Variants in DNAH11 observed in about 807,000 individuals in gnomAD.
DNAH11 encodes the protein dynein axonemal heavy chain 11, also known as axonemal beta dynein heavy chain 11.
Under a neutral mutation model 526.0 loss-of-function variants are expected in DNAH11, and 442 were observed. The observed-to-expected ratio is 0.84, with a 90% CI of 0.78 to 0.91. DNAH11 has a LOEUF of 0.91. Among genes scored for constraint, DNAH11 ranks in the 40% least tolerant of loss-of-function variants. The pLI, the probability that DNAH11 is intolerant of heterozygous loss-of-function variation, is 0.00. For synonymous variants in DNAH11, 2,461 were observed against 1,935.9 expected (o/e 1.27, Z -7.12); for missense variants, 6,989 against 5,448.7 (o/e 1.28, Z -8.90).
Position 21,635,015 on chromosome 7 carries a change from C to G in DNAH11, c.4501-856C>G, listed in dbSNP as rs114607388. ...TTATAGCATTCTTTTCAAAATAAAA[C>G]TGCAACCAATACTTGAAAAAACAAA... On this transcript the variant is annotated intron_variant, in intron 25 of 81. Transcript: ENST00000409508. Among the ~76,000 whole-genome samples, 634 of 152,106 alleles carry G rather than the reference C, an allele frequency of 4.2e-3. 8 individuals carry two copies. The highest frequency in any genetic ancestry group is 0.015 in the African/African-American group (607 of 41,520).
At chr7:21,755,896 A>T (rs1330302834) in intron 54 of DNAH11, among the ~76,000 whole-genome samples, 3 of 152,066 alleles carry the variant, frequency 2.0e-5, no homozygotes, top group African/African-American at 4.8e-5. Flanking sequence ...GCTTTTTCCA[A>T]ATTTCCTGTT....
intron 2 of DNAH11, among the ~76,000 whole-genome samples, chr7:21,554,598 C>T (rs1161719837): frequency 3.9e-5 from 6 of 152,142 alleles, no homozygotes; most frequent in Admixed American, 3.3e-4. Flanking sequence ...TAATCATTCC[C>T]CTTTCTTTTC....
At chr7:21,739,027 G>A (rs1216112890) in intron 47 of DNAH11, among the ~76,000 whole-genome samples, 161 bp downstream of exon 47, 1 of 152,044 alleles carries the variant, frequency 6.6e-6, no homozygotes, top group Non-Finnish European at 1.5e-5. Flanking sequence ...AATATCTTTT[G>A]GGTTTGCTTT....
intron 45 of DNAH11, among the ~76,000 whole-genome samples, chr7:21,730,762 C>T (rs11984069): frequency 0.02 from 3,103 of 152,176 alleles, 111 homozygotes; most frequent in African/African-American, 0.07. Flanking sequence ...AGAGATCTAT[C>T]GTACATGGTG....
chr7:21,564,333 T>A lies in DNAH11; in HGVS notation c.1130T>A (p.Phe377Tyr), dbSNP rs1583484947. 1 of 1,613,686 alleles carries A rather than the reference T, an allele frequency of 6.2e-7. No homozygotes were observed. The highest frequency in any genetic ancestry group is 2.2e-5 in the East Asian group (1 of 44,864). The change falls in exon 6 of 82, where the codon TTT (phenylalanine) becomes TAT (tyrosine). Residue 377 changes from phenylalanine (F) to tyrosine (Y), a missense_variant. Phe to Tyr is a conservative substitution (Grantham distance 22, BLOSUM62 3). Transcript: ENST00000409508. ...TGTCTGATCTGGAGTCATTCCAAGT[T>A]TTATAACACCCCAGCTCGGGTTATA... is the stretch of plus-strand genomic sequence containing the variant. ...TICLIWSHSK[F>Y]YNTPARVIVL...
intron 32 of DNAH11, among the ~76,000 whole-genome samples, chr7:21,685,362 G>C (rs1185816844): frequency 6.6e-6 from 1 of 152,154 alleles, no homozygotes; most frequent in Non-Finnish European, 1.5e-5. Flanking sequence ...CATTATGTGA[G>C]GCCTGATAGT....
intron 63 of DNAH11, among the ~76,000 whole-genome samples, chr7:21,815,764 A>AT (rs887304311): frequency 6.6e-6 from 1 of 152,038 alleles, no homozygotes; most frequent in African/African-American, 2.4e-5. Context: ...CTTTAATACA[A>AT]TTTTTGCCAC....
At chr7:21,866,691 T>A in intron 71 of DNAH11, 28 bp downstream of exon 71, 2 of 1,585,296 alleles carry the variant, frequency 1.3e-6, no homozygotes, top group Non-Finnish European at 1.7e-6. Context: ...TTTGGAAACA[T>A]GTATTAGTTA....
intron 76 of DNAH11, among the ~76,000 whole-genome samples, chr7:21,888,683 T>A (rs1228995054): frequency 6.6e-6 from 1 of 151,904 alleles, no homozygotes; most frequent in African/African-American, 2.4e-5. Flanking sequence ...AGAGATGGGG[T>A]TTCACCATGT....
intron 26 of DNAH11, among the ~76,000 whole-genome samples, chr7:21,637,069 A>T (rs1189325281): frequency 6.6e-6 from 1 of 152,178 alleles, no homozygotes; most frequent in Non-Finnish European, 1.5e-5. Flanking sequence ...GAAGTCACAG[A>T]TAAATTTTAA....
At chr7:21,745,173 C>T in intron 51 of DNAH11, 110 bp downstream of exon 51, 1 of 1,102,784 alleles carries the variant, frequency 9.1e-7, no homozygotes, top group Non-Finnish European at 1.3e-6. Context: ...CAGTTCTTAT[C>T]TGCTGTTTGA....
chr7:21,757,164 C>G (rs895087534), intron 54 of DNAH11, among the ~76,000 whole-genome samples: 1 of 152,190 alleles, frequency 6.6e-6, no homozygotes, highest in Non-Finnish European at 1.5e-5. Flanking sequence ...GTAGACAGAT[C>G]ATCTTTTGAT....
chr7:21,855,821 C>T (rs1191876237), intron 68 of DNAH11, among the ~76,000 whole-genome samples: 1 of 152,014 alleles, frequency 6.6e-6, no homozygotes, highest in Non-Finnish European at 1.5e-5. Context: ...TATGTAGATA[C>T]ATATAGATAT....
At chr7:21,667,652 G>A (rs1782472268) in intron 30 of DNAH11, among the ~76,000 whole-genome samples, 1 of 151,962 alleles carries the variant, frequency 6.6e-6, no homozygotes. Flanking sequence ...CATGAGAGTT[G>A]GTTCTTTGAA....
chr7:21,771,419 G>A (rs1787428893), intron 55 of DNAH11, among the ~76,000 whole-genome samples: 1 of 152,188 alleles, frequency 6.6e-6, no homozygotes, highest in Admixed American at 6.5e-5. Flanking sequence ...AGTACTTGGT[G>A]TGGCAGAGAC....
At chr7:21,867,164 C>A (rs929873233) in intron 71 of DNAH11, among the ~76,000 whole-genome samples, 1 of 152,282 alleles carries the variant, frequency 6.6e-6, no homozygotes, top group Admixed American at 6.5e-5. Flanking sequence ...TTTTTCTTTG[C>A]CCTCTTGGCT....
chr7:21,554,465 C>T (rs1444262871), intron 2 of DNAH11, among the ~76,000 whole-genome samples: 1 of 152,044 alleles, frequency 6.6e-6, no homozygotes, highest in Non-Finnish European at 1.5e-5. Flanking sequence ...ATGAGCCCTG[C>T]ACCTGGCCCC....
intron 29 of DNAH11, among the ~76,000 whole-genome samples, chr7:21,656,477 C>T (rs1782019460): frequency 1.3e-5 from 2 of 152,308 alleles, no homozygotes; most frequent in South Asian, 4.1e-4. Context: ...GTCCTGTACT[C>T]TAATTACCAT....
chr7:21,808,178 A>C (rs1473018468), intron 63 of DNAH11, 129 bp downstream of exon 63: 2 of 618,110 alleles, frequency 3.2e-6, no homozygotes, highest in East Asian at 6.6e-5. Context: ...CCATGGTGAA[A>C]TTGTTTCTCA....
Sources: allele counts gnomAD v4.1 joint callset (sites outside exome capture counted in the v4.1 genomes callset), GRCh38; gene constraint gnomAD v4.1.1; transcripts MANE v1.5; gene names NCBI Gene and HGNC (gene_info 2026-07-23, HGNC 2026-07-21).